The following ERI3 variants were observed in gnomAD, a reference collection of about 807,000 sequenced individuals.
ERI3 encodes ERI1 exoribonuclease 3.
A neutral mutation model predicts 44.4 loss-of-function variants in ERI3; 18 were observed. The observed-to-expected ratio is 0.41, with a 90% CI of 0.28 to 0.60. The LOEUF (loss-of-function observed/expected upper bound fraction) is 0.60. Ranked by LOEUF, ERI3 falls within the 20% of genes least tolerant of loss-of-function variation. ERI3 has a pLI of 0.36. For missense variants in ERI3, 294 were observed against 435.5 expected, an observed-to-expected ratio of 0.68 and a Z score of 2.89; for synonymous variants, 183 against 164.8, an observed-to-expected ratio of 1.11 and a Z score of -0.84.
At chr1:44,251,176 G>A (rs1644671191) in intron 7 of ERI3, among the ~76,000 whole-genome samples, 1 of 152,248 alleles carries the variant, frequency 6.6e-6, no homozygotes, top group African/African-American at 2.4e-5. Context: ...CATATGGTCT[G>A]GATCCTCACA....
chr1:44,347,964 G>C (rs943883313), intron 2 of ERI3, among the ~76,000 whole-genome samples: 1 of 151,966 alleles, frequency 6.6e-6, no homozygotes, highest in Non-Finnish European at 1.5e-5. Context: ...CACTGAGCTA[G>C]ATCCCTAAGG....
chr1:44,296,489 C>T (rs1645614698), intron 6 of ERI3, among the ~76,000 whole-genome samples: 1 of 152,140 alleles, frequency 6.6e-6, no homozygotes, highest in African/African-American at 2.4e-5. Flanking sequence ...TGGACAATGT[C>T]GACTTACCAA....
chr1:44,290,430 C>A (rs1383062410), intron 6 of ERI3, among the ~76,000 whole-genome samples: 1 of 152,174 alleles, frequency 6.6e-6, no homozygotes, highest in African/African-American at 2.4e-5. Context: ...TGCAGAGTTG[C>A]CACACTTGCT....
intron 8 of ERI3, chr1:44,242,137 ACTTT>A: frequency 1.0e-6 from 1 of 985,608 alleles, no homozygotes. Flanking sequence ...CTAGCTTCTC[ACTTT>A]CTTAGGGCCA....
intron 5 of ERI3, among the ~76,000 whole-genome samples, chr1:44,310,951 T>TCGTGCGCGCG (rs1553195163): frequency 2.8e-4 from 27 of 95,028 alleles, no homozygotes; most frequent in African/African-American, 1.0e-3. Context: ...TATGTGCACA[T>TCGTGCGCGCG]CGCGCGCGCG....
intron 8 of ERI3, among the ~76,000 whole-genome samples, chr1:44,226,975 T>C (rs1283874301): frequency 6.6e-6 from 1 of 152,196 alleles, no homozygotes; most frequent in Non-Finnish European, 1.5e-5. Context: ...CTGTCAACAC[T>C]TTCCCCACCC....
chr1:44,275,758 C>A (rs1557810784), intron 7 of ERI3, among the ~76,000 whole-genome samples: 1 of 152,160 alleles, frequency 6.6e-6, no homozygotes, highest in African/African-American at 2.4e-5. Flanking sequence ...TGGCCCTTAT[C>A]CCTACAGCTG....
chr1:44,266,785 G>A (rs11210977), intron 7 of ERI3, among the ~76,000 whole-genome samples: 3,243 of 152,302 alleles, frequency 0.021, 112 homozygotes, highest in African/African-American at 0.075. Flanking sequence ...GTTATATAGT[G>A]TGAGCTCTTC....
chr1:44,279,483 C>T lies in ERI3; in HGVS notation c.831+5352G>A, dbSNP rs541059387. 2.6e-5 allele frequency among the ~76,000 whole-genome samples: 4 copies of T among 152,306 alleles called. No individual in the cohort carries two copies. In the East Asian group the frequency reaches 7.7e-4, roughly 29 times the overall value. On this transcript the variant is annotated intron_variant, in intron 7 of 8. Coordinates refer to ENST00000372257, the MANE Select transcript of ERI3 (RefSeq NM_024066.3). ...TCAAGTGATCCTCCCACCTCAGCCT[C>T]CCAAAGCACTGGGATTACAGGTATA...
chr1:44,349,234 C>T (rs1027968288), intron 2 of ERI3, among the ~76,000 whole-genome samples: 3 of 152,194 alleles, frequency 2.0e-5, no homozygotes, highest in African/African-American at 7.2e-5. Context: ...CTCATTGCAA[C>T]CTCCACCTCC....
intron 6 of ERI3, among the ~76,000 whole-genome samples, chr1:44,307,420 A>AAC (rs146112762): frequency 6.6e-6 from 1 of 151,764 alleles, no homozygotes; most frequent in Non-Finnish European, 1.5e-5. Flanking sequence ...CACACACACA[A>AAC]ACACACACAC....
intron 3 of ERI3, among the ~76,000 whole-genome samples, chr1:44,332,070 T>G (rs1646440985): frequency 6.6e-6 from 1 of 152,176 alleles, no homozygotes; most frequent in African/African-American, 2.4e-5. Flanking sequence ...ACACAGAGCT[T>G]TAAGTTACTA....
chr1:44,299,369 T>C (rs1420533751), intron 6 of ERI3, among the ~76,000 whole-genome samples: 2 of 151,996 alleles, frequency 1.3e-5, no homozygotes, highest in Non-Finnish European at 2.9e-5. Flanking sequence ...TTATTTTTAT[T>C]TTTAATAGAG....
At chr1:44,354,418 C>G in intron 1 of ERI3, 6 of 985,420 alleles carry the variant, frequency 6.1e-6, no homozygotes, top group Non-Finnish European at 7.2e-6. Context: ...AAGCCTCAAT[C>G]CAAGTTCATG....
chr1:44,230,159 C>T (rs969662204), intron 8 of ERI3, among the ~76,000 whole-genome samples: 20 of 152,222 alleles, frequency 1.3e-4, no homozygotes, highest in Admixed American at 1.2e-3. Context: ...ATAATATCAT[C>T]GGGCCTTAAA....
At chr1:44,230,897 A>T (rs1644167478) in intron 8 of ERI3, among the ~76,000 whole-genome samples, 1 of 152,230 alleles carries the variant, frequency 6.6e-6, no homozygotes, top group South Asian at 2.1e-4. Context: ...TTGAAATATT[A>T]AATCCAAATA....
chr1:44,320,503 G>A (rs1646177479), intron 3 of ERI3, among the ~76,000 whole-genome samples: 1 of 152,160 alleles, frequency 6.6e-6, no homozygotes, highest in Non-Finnish European at 1.5e-5. Context: ...CTTGCAGAAC[G>A]CTGGCTGTGC....
intron 5 of ERI3, 149 bp from the exon 6 acceptor site, chr1:44,308,550 A>C (rs960701149): frequency 2.8e-6 from 2 of 716,888 alleles, no homozygotes; most frequent in African/African-American, 1.7e-5. Flanking sequence ...GTGGGCTCTC[A>C]GGCTTGGCTC....
At position 44,235,730 on chromosome 1, in the gene ERI3, T is replaced by G. The variant is rs1229114080; in HGVS notation, c.931+12209A>C. Among the ~76,000 whole-genome samples the G allele has an allele frequency of 1.3e-5, 2 of 152,168 alleles. No homozygotes were observed. Among genetic ancestry groups the G allele is most frequent in the Non-Finnish European group, 2.9e-5 (2 of 68,018 alleles). On this transcript the variant is annotated intron_variant, in intron 8 of 8. Coordinates refer to ENST00000372257, the MANE Select transcript of ERI3 (RefSeq NM_024066.3). This position sits in a 1 kb window ranked among gnomAD's most constrained non-coding sequence, Gnocchi z 4.6. Reference sequence around the variant, plus strand: ...CCACCTCCGTTCCCTTCTAGCATCTTGGTTTCCCCAGGACTTCACTGTGCC... The same window carrying G: ...CCACCTCCGTTCCCTTCTAGCATCTGGGTTTCCCCAGGACTTCACTGTGCC...
Sources: allele counts gnomAD v4.1 joint callset (sites outside exome capture counted in the v4.1 genomes callset), GRCh38; gene constraint gnomAD v4.1.1; non-coding constraint Gnocchi (gnomAD v3.1); transcripts MANE v1.5; gene names NCBI Gene and HGNC (gene_info 2026-07-23, HGNC 2026-07-21).